Variants in IQCM observed in about 807,000 individuals in gnomAD.
The protein encoded by IQCM is IQ domain-containing protein M.
A neutral mutation model predicts 57.6 loss-of-function variants in IQCM; 45 were observed. That is an observed-to-expected ratio of 0.78 (90% CI 0.62 to 1.00). IQCM has a LOEUF of 1.00. Among genes scored for constraint, IQCM ranks in the 50% least tolerant of loss-of-function variants. The pLI is 0.00. For missense variants in IQCM, 468 were observed against 511.6 expected, an observed-to-expected ratio of 0.91 and a Z score of 0.82; for synonymous variants, 148 against 158.9, an observed-to-expected ratio of 0.93 and a Z score of 0.51.
At chr4:149,424,743 A>G (rs533344797) in intron 13 of IQCM, among the ~76,000 whole-genome samples, 2 of 152,020 alleles carry the variant, frequency 1.3e-5, no homozygotes, top group African/African-American at 4.8e-5. Context: ...ATGAATCATA[A>G]TTTATTTAAC....
intron 5 of IQCM, among the ~76,000 whole-genome samples, chr4:149,728,441 G>A (rs35176842): frequency 0.23 from 34,379 of 152,024 alleles, 3,976 homozygotes; most frequent in East Asian, 0.29. Context: ...TTTCTCCTTT[G>A]TATTCTCTGC....
intron 12 of IQCM, among the ~76,000 whole-genome samples, chr4:149,540,965 T>C (rs1241992532): frequency 6.6e-6 from 1 of 152,178 alleles, no homozygotes; most frequent in Non-Finnish European, 1.5e-5. Context: ...TCTTCATTCT[T>C]TTGCCATCAG....
intron 7 of IQCM, among the ~76,000 whole-genome samples, chr4:149,677,144 C>T (rs572097269): frequency 1.3e-5 from 2 of 152,194 alleles, no homozygotes; most frequent in African/African-American, 4.8e-5. Flanking sequence ...TATTCACCAT[C>T]TTGGGTTCTC....
At chr4:149,447,423 C>A (rs1268329551) in intron 12 of IQCM, among the ~76,000 whole-genome samples, 1 of 151,552 alleles carries the variant, frequency 6.6e-6, no homozygotes, top group Non-Finnish European at 1.5e-5. Flanking sequence ...CTATATTCCA[C>A]ATGTTCAAGA....
chr4:149,661,136 T>C lies in IQCM; in HGVS notation c.565+20982A>G, dbSNP rs77225444. 3.4e-3 allele frequency among the ~76,000 whole-genome samples: 517 copies of C among 152,280 alleles called. 2 individuals carry two copies. The highest frequency in any genetic ancestry group is 0.01 in the African/African-American group (422 of 41,572). ...ATTGAGTTGAGGTACATATCTTCTA[T>C]ACTTAATTTGTTGAGAGTTTTTATC... On this transcript the variant is annotated intron_variant, in intron 7 of 13. Coordinates refer to ENST00000636793, the MANE Select transcript of IQCM (RefSeq NM_001363507.2).
intron 12 of IQCM, among the ~76,000 whole-genome samples, chr4:149,515,847 G>A (rs370738283): frequency 6.6e-6 from 1 of 152,318 alleles, no homozygotes; most frequent in South Asian, 2.1e-4. Flanking sequence ...AAGGTATGTG[G>A]ATGGACCTCT....
chr4:149,790,686 C>CA (rs1168849910), intron 2 of IQCM, among the ~76,000 whole-genome samples: 2 of 152,138 alleles, frequency 1.3e-5, no homozygotes, highest in African/African-American at 4.8e-5. Flanking sequence ...GCAATACAAC[C>CA]AAGCTGTAAC....
rs545546126 is a variant in IQCM at position 149,553,163 on chromosome 4, T to C, written c.1073A>G (p.Glu358Gly). ...RQILNLAELEEWMDRKKFYEI... is the reference protein window; with the variant it reads ...RQILNLAELEGWMDRKKFYEI... ...CTTACATTTTTTTCGGTCCATCCAC[T>C]CCTCTAGCTCTGCTAAGTTGAGAAT... Residue 358 changes from glutamate to glycine, a missense_variant, in exon 11 of 14, where the codon GAG (glutamate) becomes GGG (glycine). Coordinates refer to ENST00000636793, the MANE Select transcript of IQCM (RefSeq NM_001363507.2). The C allele has an allele frequency of 7.3e-6, 9 of 1,232,034 alleles. No individual in the cohort carries two copies. In the South Asian group the frequency reaches 3.3e-4, roughly 45 times the overall value. 76.3% of individuals were successfully genotyped at this position (1,232,034 alleles called of 1,614,324 possible). A position where few individuals can be genotyped will look rare whatever the true frequency, so the allele number is the denominator to read the frequency against.
At chr4:149,693,108 C>G (rs1763062007) in intron 5 of IQCM, among the ~76,000 whole-genome samples, 1 of 152,302 alleles carries the variant, frequency 6.6e-6, no homozygotes, top group South Asian at 2.1e-4. Flanking sequence ...TATTCATTCA[C>G]CTGAGCTCAA....
chr4:149,384,515 T>A (rs986800722), intron 13 of IQCM, among the ~76,000 whole-genome samples: 7 of 152,108 alleles, frequency 4.6e-5, no homozygotes, highest in African/African-American at 1.7e-4. Flanking sequence ...TACTTTACAT[T>A]AGTTTTTCCA....
chr4:149,673,457 T>A (rs1032910689), intron 7 of IQCM, among the ~76,000 whole-genome samples: 15 of 151,556 alleles, frequency 9.9e-5, no homozygotes, highest in African/African-American at 3.2e-4. Context: ...AACAAAAAAA[T>A]GCAGGGGTTG....
chr4:149,669,807 G>A (rs1158017462), intron 7 of IQCM, among the ~76,000 whole-genome samples: 1 of 152,114 alleles, frequency 6.6e-6, no homozygotes, highest in Non-Finnish European at 1.5e-5. Context: ...TATTATTTCT[G>A]AGGGCTCTGC....
At chr4:149,672,746 G>T (rs538988612) in intron 7 of IQCM, among the ~76,000 whole-genome samples, 2 of 152,080 alleles carry the variant, frequency 1.3e-5, no homozygotes, top group East Asian at 1.9e-4. Context: ...AGGAAGGCAC[G>T]CCAACATTCA....
chr4:149,559,510 G>A (rs186542345), intron 10 of IQCM, among the ~76,000 whole-genome samples: 2 of 152,156 alleles, frequency 1.3e-5, no homozygotes, highest in Non-Finnish European at 2.9e-5. Flanking sequence ...CCAGATCTCA[G>A]TTTACTGGTC....
chr4:149,386,053 C>CT (rs1369131881), intron 13 of IQCM, among the ~76,000 whole-genome samples: 1 of 152,026 alleles, frequency 6.6e-6, no homozygotes, highest in African/African-American at 2.4e-5. Context: ...CTTCTCACCT[C>CT]TTAAAGAAAA....
At chr4:149,433,592 A>T in intron 12 of IQCM, 35 bp from the exon 13 acceptor site, 2 of 888,630 alleles carry the variant, frequency 2.3e-6, no homozygotes, top group Non-Finnish European at 3.0e-6. Flanking sequence ...AAAATTTTAG[A>T]CATTTTACAG....
chr4:149,639,206 C>G (rs891307068), intron 7 of IQCM, among the ~76,000 whole-genome samples: 2 of 152,160 alleles, frequency 1.3e-5, no homozygotes, highest in African/African-American at 4.8e-5. Flanking sequence ...ACAGGAGGAT[C>G]GCTTGAGCCC....
intron 12 of IQCM, among the ~76,000 whole-genome samples, chr4:149,537,649 C>A (rs919443582): frequency 1.3e-5 from 2 of 151,806 alleles, no homozygotes; most frequent in African/African-American, 4.8e-5. Flanking sequence ...GAAGTGATCA[C>A]TTGTAAACAA....
intron 11 of IQCM, 101 bp from the exon 12 acceptor site, chr4:149,548,690 T>G: frequency 1.9e-6 from 1 of 524,778 alleles, no homozygotes; most frequent in Non-Finnish European, 2.9e-6. Flanking sequence ...TAAGTCTCCA[T>G]GATTAGTCTA....
Sources: allele counts gnomAD v4.1 joint callset (sites outside exome capture counted in the v4.1 genomes callset), GRCh38; gene constraint gnomAD v4.1.1; transcripts MANE v1.5; gene names NCBI Gene and HGNC (gene_info 2026-07-23, HGNC 2026-07-21).